NOS1: variants seen among roughly 807,000 people sequenced by gnomAD.
NOS1 encodes the protein nitric oxide synthase 1, also known as NOS type I.
A neutral mutation model predicts 164.5 loss-of-function variants in NOS1; 51 were observed. That is an observed-to-expected ratio of 0.31 (90% CI 0.25 to 0.39). NOS1 has a LOEUF of 0.39. NOS1 is among the 10% of genes least tolerant of loss of function. NOS1 has a pLI of 1.00. For synonymous variants in NOS1, 719 were observed against 745.8 expected, an observed-to-expected ratio of 0.96 and a Z score of 0.59; for missense variants, 1,362 against 1,885.6, an observed-to-expected ratio of 0.72 and a Z score of 5.14.
In NOS1 at chr12:117,223,636, G is replaced by A. The variant is rs150221255; in HGVS notation, c.3827-773C>T. On this transcript the variant is annotated intron_variant, in intron 25 of 28. Coordinates refer to ENST00000317775, the MANE Select transcript of NOS1 (RefSeq NM_000620.5). ...ATGTTGCCCAGGCTGGAGTGCAGTG[G>A]TGTGATCTTGGCTCACTGCAACCTG... Among the ~76,000 whole-genome samples the A allele has an allele frequency of 1.7e-3, 264 of 152,004 alleles. 2 individuals carry two copies. The highest frequency in any genetic ancestry group is 6.0e-3 in the African/African-American group (249 of 41,442).
intron 1 of NOS1, among the ~76,000 whole-genome samples, chr12:117,333,352 G>A (rs1057304315): frequency 6.6e-6 from 1 of 151,316 alleles, no homozygotes; most frequent in Non-Finnish European, 1.5e-5. Flanking sequence ...AGCACCAGGA[G>A]GGAGCCCCCA....
chr12:117,274,278 A>C (rs1873004654), intron 9 of NOS1, among the ~76,000 whole-genome samples: 2 of 152,226 alleles, frequency 1.3e-5, no homozygotes, highest in Admixed American at 1.3e-4. Flanking sequence ...ATTTCATCAC[A>C]GTTAGGACGG....
At position 117,272,851 on chromosome 12, in the gene NOS1, A is replaced by C. The variant is rs1356699812; in HGVS notation, c.1665-292T>G. Reference sequence around the variant, plus strand: ...CACCCTGAAAGTGAGTCCAGGAGAAAGTGTGGGGACCTCTCTCCCCCTTCC... The same window carrying C: ...CACCCTGAAAGTGAGTCCAGGAGAACGTGTGGGGACCTCTCTCCCCCTTCC... On this transcript the variant is annotated intron_variant, in intron 9 of 28. Transcript: ENST00000317775. The surrounding 1 kb of genome is among the most constrained non-coding windows in gnomAD (Gnocchi z 4.3). Among the ~76,000 whole-genome samples, 1 of 152,186 alleles carries C rather than the reference A, an allele frequency of 6.6e-6. No homozygotes were observed. Among genetic ancestry groups the C allele is most frequent in the African/African-American group, 2.4e-5 (1 of 41,452 alleles).
chr12:117,250,828 T>C (rs1871042398), intron 17 of NOS1, among the ~76,000 whole-genome samples: 1 of 152,192 alleles, frequency 6.6e-6, no homozygotes, highest in Non-Finnish European at 1.5e-5. Context: ...GCACTAGTCA[T>C]GCCTTCTGGT....
Position 117,208,665 on chromosome 12 carries a change from C to T in NOS1, c.*6644G>A. ...GATCTCAGTGAGTCTTAATCAGAAC[C>T]AACACCAAGGACACAGTGTCTTATT... On this transcript the variant is annotated 3_prime_UTR_variant, in exon 29 of 29. Coordinates refer to ENST00000317775, the MANE Select transcript of NOS1 (RefSeq NM_000620.5). The T allele has an allele frequency of 9.0e-7, 1 of 1,115,368 alleles. No individual in the cohort carries two copies. Among genetic ancestry groups the T allele is most frequent in the Non-Finnish European group, 1.1e-6 (1 of 903,424 alleles). 69.1% of individuals were successfully genotyped at this position (1,115,368 alleles called of 1,614,324 possible).
chr12:117,243,473 C>T lies in NOS1; in HGVS notation c.2824-38G>A. On this transcript the variant is annotated intron_variant, in intron 18 of 28. Coordinates refer to ENST00000317775, the MANE Select transcript of NOS1 (RefSeq NM_000620.5). The surrounding 1 kb of genome is among the most constrained non-coding windows in gnomAD (Gnocchi z 4.3). ...CAAGGCTTTCAGTGACCTCTTTCAG[C>T]CAAGCGGATCTCCTCTCCAACAGCT... 6.2e-7 allele frequency: 1 copy of T among 1,608,104 alleles called. No homozygotes were observed. Among genetic ancestry groups the T allele is most frequent in the African/African-American group, 1.3e-5 (1 of 74,906 alleles).
intron 3 of NOS1, among the ~76,000 whole-genome samples, chr12:117,297,055 A>G (rs1025972829): frequency 3.3e-5 from 5 of 152,228 alleles, no homozygotes; most frequent in Non-Finnish European, 7.3e-5. Context: ...AAACTAACAC[A>G]AGGTCTAAAA....
chr12:117,273,464 A>G (rs1345964827), intron 9 of NOS1, among the ~76,000 whole-genome samples: 2 of 152,172 alleles, frequency 1.3e-5, no homozygotes, highest in African/African-American at 4.8e-5. Context: ...CCTTGGGTGT[A>G]AAATTTAAGT....
At position 117,234,493 on chromosome 12, in the gene NOS1, G is replaced by A. The variant is rs1443574828; in HGVS notation, c.3235+72C>T. 3.4e-6 allele frequency: 5 copies of A among 1,473,836 alleles called. No individual in the cohort carries two copies. The highest frequency in any genetic ancestry group is 4.6e-6 in the Non-Finnish European group (5 of 1,076,036). 91.3% of individuals were successfully genotyped at this position (1,473,836 alleles called of 1,614,324 possible). A position where few individuals can be genotyped will look rare whatever the true frequency, so the allele number is the denominator to read the frequency against. ...CCTGGACTGGTGATTGGGAAGAAAA[G>A]GTATCTTCTTCCCGAGACACCCACT... On this transcript the variant is annotated intron_variant, in intron 21 of 28. Transcript: ENST00000317775. The surrounding 1 kb of genome is among the most constrained non-coding windows in gnomAD (Gnocchi z 4.3).
intron 10 of NOS1, among the ~76,000 whole-genome samples, chr12:117,269,243 T>C (rs963946107): frequency 1.3e-5 from 2 of 152,040 alleles, no homozygotes; most frequent in African/African-American, 4.8e-5. Flanking sequence ...GAGAGTGCTC[T>C]AGGCAGAGGG....
intron 3 of NOS1, among the ~76,000 whole-genome samples, chr12:117,297,724 A>G (rs1054119327): frequency 3.3e-5 from 5 of 152,174 alleles, no homozygotes; most frequent in African/African-American, 1.2e-4. Context: ...ACTAGGAAGT[A>G]AGAAGCAGGT....
intron 18 of NOS1, among the ~76,000 whole-genome samples, chr12:117,245,341 GCATGGTT>G (rs1187976572): frequency 1.2e-4 from 19 of 152,242 alleles, no homozygotes; most frequent in Admixed American, 4.6e-4. Flanking sequence ...AGAAGGCCAT[GCATGGTT>G]CATTTATCCC....
At chr12:117,334,786 T>G (rs1875726353) in intron 1 of NOS1, among the ~76,000 whole-genome samples, 2 of 152,224 alleles carry the variant, frequency 1.3e-5, no homozygotes, top group Admixed American at 1.3e-4. Context: ...TTTTCATCCT[T>G]GTCCTGACCA....
chr12:117,316,309 C>T (rs571556982), intron 2 of NOS1, among the ~76,000 whole-genome samples: 2 of 152,164 alleles, frequency 1.3e-5, no homozygotes, highest in Non-Finnish European at 2.9e-5. Flanking sequence ...GTTCACAGAG[C>T]CCAGGAATTC....
intron 2 of NOS1, among the ~76,000 whole-genome samples, chr12:117,322,760 T>TC (rs1429602252): frequency 8.9e-6 from 1 of 112,956 alleles, no homozygotes; most frequent in Non-Finnish European, 1.8e-5. Flanking sequence ...CTTCCTTCCC[T>TC]CCTTCCTTCC....
chr12:117,341,771 T>A (rs1566084088), intron 1 of NOS1, among the ~76,000 whole-genome samples: 1 of 152,182 alleles, frequency 6.6e-6, no homozygotes, highest in Admixed American at 6.5e-5. Flanking sequence ...CCTATTAGCC[T>A]CAGATTCCTC....
intron 2 of NOS1, among the ~76,000 whole-genome samples, chr12:117,327,176 G>A (rs1251057262): frequency 2.0e-5 from 3 of 152,150 alleles, no homozygotes; most frequent in Non-Finnish European, 2.9e-5. Context: ...CATGGGAAGG[G>A]GACTCTGCTT....
At chr12:117,319,876 A>AAGGAACCTGAACACTAGTTCTAGG (rs550115307) in intron 2 of NOS1, among the ~76,000 whole-genome samples, 288 of 152,324 alleles carry the variant, frequency 1.9e-3, no homozygotes, top group African/African-American at 6.5e-3. Flanking sequence ...TGGCCCTCAC[A>AAGGAACCTGAACACTAGTTCTAGG]AGGAACCTGA....
In NOS1 at chr12:117,288,085, T is replaced by C; in HGVS notation, c.1116A>G (p.Ser372=). The change falls in exon 5 of 29, where the codon TCA becomes TCG. Residue 372 remains serine (S), a synonymous_variant. Transcript: ENST00000317775. The part of the protein sequence containing the change: ...LAKEFIDQYY[S]SIKRFGSKAH... ...TGACACACACTTGCCTTTTAATTGA[T>C]GAATAGTATTGATCAATAAACTCTT... is the stretch of plus-strand genomic sequence containing the variant. 6.2e-7 allele frequency: 1 copy of C among 1,614,082 alleles called. No individual in the cohort carries two copies. Among genetic ancestry groups the C allele is most frequent in the Non-Finnish European group, 8.5e-7 (1 of 1,179,938 alleles).
Sources: gnomAD v4.1 joint callset for allele counts (sites outside exome capture counted in the v4.1 genomes callset) on GRCh38, gnomAD v4.1.1 for gene constraint, Gnocchi (gnomAD v3.1) non-coding constraint, MANE v1.5 for transcripts, NCBI Gene and HGNC (gene_info 2026-07-23, HGNC 2026-07-21) for gene names.